ARMH3: variants seen among roughly 807,000 people sequenced by gnomAD.
ARMH3 encodes the protein armadillo like helical domain containing 3.
A neutral mutation model predicts 99.1 loss-of-function variants in ARMH3; 60 were observed. The observed-to-expected ratio is 0.61, with a 90% CI of 0.49 to 0.75. The LOEUF is 0.75. Among genes scored for constraint, ARMH3 ranks in the 30% least tolerant of loss-of-function variants. The probability of loss-of-function intolerance (pLI) is 0.00; values close to 1 mark genes in which losing one functional copy is unlikely to be tolerated. For synonymous variants in ARMH3, 285 were observed against 292.8 expected (o/e 0.97, Z 0.27); for missense variants, 679 against 843.1 (o/e 0.81, Z 2.41).
intron 13 of ARMH3, among the ~76,000 whole-genome samples, chr10:102,007,833 C>CAAAAAAAAA (rs529858697): frequency 2.0e-5 from 1 of 48,976 alleles, no homozygotes; most frequent in Non-Finnish European, 4.2e-5. Context: ...ACACCATCTC[C>CAAAAAAAAA]AAAAAAAAAA....
At chr10:101,995,719 T>C (rs1432143804) in intron 15 of ARMH3, among the ~76,000 whole-genome samples, 1 of 152,136 alleles carries the variant, frequency 6.6e-6, no homozygotes, top group East Asian at 1.9e-4. Flanking sequence ...CCACCCACCC[T>C]CTCATCTGCC....
chr10:101,903,982 C>T (rs1401014246), intron 23 of ARMH3, among the ~76,000 whole-genome samples: 1 of 152,202 alleles, frequency 6.6e-6, no homozygotes, highest in Non-Finnish European at 1.5e-5. Flanking sequence ...GTCTTTCAGG[C>T]TCCCATGGGA....
rs930310048 is a variant in ARMH3, at chr10:101,943,968, G to T, written c.1706-4030C>A. Reference sequence around the variant, plus strand: ...AGTCCCAGCTACTCGGGAGGCTGAGGCAGGAGAATGGCGTGAACCTGGGAG... The same window carrying T: ...AGTCCCAGCTACTCGGGAGGCTGAGTCAGGAGAATGGCGTGAACCTGGGAG... On this transcript the variant is annotated intron_variant, in intron 22 of 25. Transcript: ENST00000370033. 2.6e-5 allele frequency among the ~76,000 whole-genome samples: 4 copies of T among 151,028 alleles called. No homozygotes were observed. The South Asian group carries it at 8.4e-4, about 32-fold the overall frequency.
At chr10:101,921,658 G>A (rs1304773871) in intron 23 of ARMH3, among the ~76,000 whole-genome samples, 4 of 152,104 alleles carry the variant, frequency 2.6e-5, no homozygotes, top group South Asian at 4.1e-4. Context: ...CCATAAAAAG[G>A]AATAAAATCA....
chr10:101,990,435 T>C, intron 19 of ARMH3, 116 bp downstream of exon 19: 1 of 690,534 alleles, frequency 1.4e-6, no homozygotes. Flanking sequence ...CCTCCCAAGG[T>C]GCTGGTATTA....
At chr10:101,952,375 A>C (rs190876724) in intron 22 of ARMH3, among the ~76,000 whole-genome samples, 16 of 152,312 alleles carry the variant, frequency 1.1e-4, no homozygotes, top group African/African-American at 3.4e-4. Flanking sequence ...GGTCATAAAA[A>C]ACAAGGAAAC....
intron 23 of ARMH3, among the ~76,000 whole-genome samples, chr10:101,897,918 G>A (rs544611208): frequency 6.6e-6 from 1 of 152,298 alleles, no homozygotes; most frequent in Non-Finnish European, 1.5e-5. Flanking sequence ...ACCGGCTGGG[G>A]ATTTCTTGGT....
intron 8 of ARMH3, among the ~76,000 whole-genome samples, chr10:102,016,357 C>CTT (rs1467884907): frequency 1.3e-5 from 2 of 152,130 alleles, no homozygotes; most frequent in Non-Finnish European, 2.9e-5. Flanking sequence ...AATGGTCAAC[C>CTT]TGTATTTTTT....
chr10:102,054,388 C>CAAA (rs1199918958), intron 1 of ARMH3, among the ~76,000 whole-genome samples: 4 of 70,742 alleles, frequency 5.7e-5, no homozygotes, highest in African/African-American at 1.1e-4. Flanking sequence ...GACTCCGTCT[C>CAAA]AAAAAAAAAA....
chr10:101,894,907 T>TG (rs907157416), intron 23 of ARMH3, among the ~76,000 whole-genome samples: 20 of 149,814 alleles, frequency 1.3e-4, no homozygotes, highest in Admixed American at 1.3e-3. Context: ...AGAGCTCTCT[T>TG]GCTATCTGTC....
intron 20 of ARMH3, among the ~76,000 whole-genome samples, chr10:101,964,739 G>T (rs534824156): frequency 6.6e-6 from 1 of 151,980 alleles, no homozygotes; most frequent in Admixed American, 6.6e-5. Context: ...GGCCAGACAC[G>T]GTGGCTCACA....
chr10:101,890,004 C>T (rs1279854622), intron 23 of ARMH3, among the ~76,000 whole-genome samples: 1 of 152,124 alleles, frequency 6.6e-6, no homozygotes, highest in Non-Finnish European at 1.5e-5. Context: ...AAAACACTCC[C>T]TTCTCCATCA....
intron 23 of ARMH3, among the ~76,000 whole-genome samples, chr10:101,896,615 G>C (rs1174175015): frequency 6.6e-6 from 1 of 152,204 alleles, no homozygotes; most frequent in Non-Finnish European, 1.5e-5. Flanking sequence ...AGCAGTTTTT[G>C]AGCAAGCTGC....
At chr10:101,981,378 C>T (rs753798788) in intron 19 of ARMH3, among the ~76,000 whole-genome samples, 9 of 151,936 alleles carry the variant, frequency 5.9e-5, no homozygotes, top group Admixed American at 4.6e-4. Context: ...AATCCTAGCA[C>T]TTTGGGAGGC....
At chr10:101,874,642 ACTT>A (rs2067217122) in intron 24 of ARMH3, among the ~76,000 whole-genome samples, 1 of 152,120 alleles carries the variant, frequency 6.6e-6, no homozygotes, top group Non-Finnish European at 1.5e-5. Context: ...AAGCTGAGGA[ACTT>A]CTGGGGTCCT....
intron 20 of ARMH3, among the ~76,000 whole-genome samples, 163 bp downstream of exon 20, chr10:101,975,049 T>TAAAAAAAAAAAAAAAAAAAAAAAAAAG (rs11399489): frequency 3.4e-5 from 1 of 29,668 alleles, no homozygotes; most frequent in Non-Finnish European, 6.0e-5. Context: ...AGCTAAAACG[T>TAAAAAAAAAAAAAAAAAAAAAAAAAAG]AAAAAAAAAA....
chr10:102,025,814 T>A lies in ARMH3; in HGVS notation c.415-566A>T, dbSNP rs550755384. Among the ~76,000 whole-genome samples the A allele has an allele frequency of 3.0e-4, 46 of 151,328 alleles. No individual in the cohort carries two copies. The South Asian group carries it at 7.8e-3, about 26-fold the overall frequency. ...ACAGATGTGTGCCACCACACCCAGG[T>A]TTTTTTTTCTTTTTCTTTATAGAGA... On this transcript the variant is annotated intron_variant, in intron 5 of 25. Coordinates refer to ENST00000370033, the MANE Select transcript of ARMH3 (RefSeq NM_024541.3).
At chr10:101,862,258 T>C (rs957984601) in intron 24 of ARMH3, among the ~76,000 whole-genome samples, 15 of 152,008 alleles carry the variant, frequency 9.9e-5, no homozygotes, top group African/African-American at 3.4e-4. Context: ...TTTTCACATG[T>C]AACGTGAAAT....
intron 23 of ARMH3, among the ~76,000 whole-genome samples, chr10:101,925,389 T>G (rs1193064562): frequency 6.6e-6 from 1 of 152,228 alleles, no homozygotes; most frequent in Non-Finnish European, 1.5e-5. Context: ...AGTAAGAATA[T>G]GTCCAAAGGA....
Sources: allele counts gnomAD v4.1 joint callset (sites outside exome capture counted in the v4.1 genomes callset), GRCh38; gene constraint gnomAD v4.1.1; transcripts MANE v1.5; gene names NCBI Gene and HGNC (gene_info 2026-07-23, HGNC 2026-07-21).